The following RABGAP1L variants were observed in gnomAD, a reference collection of about 807,000 sequenced individuals.
The protein encoded by RABGAP1L is rab GTPase-activating protein 1-like.
In RABGAP1L, 63 loss-of-function variants were observed where a neutral mutation model predicts 137.7. That is an observed-to-expected ratio of 0.46 (90% CI 0.37 to 0.56). The LOEUF (loss-of-function observed/expected upper bound fraction) is 0.56. Ranked by LOEUF, RABGAP1L falls within the 20% of genes least tolerant of loss-of-function variation. RABGAP1L has a pLI of 0.00. For synonymous variants in RABGAP1L, 431 were observed against 433.7 expected (o/e 0.99, Z 0.08); for missense variants, 1,095 against 1,244.0 (o/e 0.88, Z 1.80).
chr1:174,455,699 G>T (rs968336738), intron 13 of RABGAP1L, among the ~76,000 whole-genome samples: 43 of 152,020 alleles, frequency 2.8e-4, no homozygotes, highest in African/African-American at 1.0e-3. Context: ...TACTTTTTCA[G>T]GAATTTTATA....
intron 13 of RABGAP1L, among the ~76,000 whole-genome samples, chr1:174,611,771 C>T (rs558300245): frequency 2.0e-5 from 3 of 152,242 alleles, no homozygotes; most frequent in East Asian, 1.9e-4. Context: ...AGGTCCTTCA[C>T]GTCCCTTTTA....
intron 13 of RABGAP1L, among the ~76,000 whole-genome samples, chr1:174,405,121 T>C (rs1315318526): frequency 6.6e-6 from 1 of 152,234 alleles, no homozygotes; most frequent in Non-Finnish European, 1.5e-5. Flanking sequence ...TTGGAAATTC[T>C]CAAGAGGAGA....
Position 174,739,662 on chromosome 1 carries a change from A to G in RABGAP1L, c.2170-12651A>G, listed in dbSNP as rs780192451. Among the ~76,000 whole-genome samples, 18 of 152,348 alleles carry G rather than the reference A, an allele frequency of 1.2e-4. 1 individual carries two copies. Among genetic ancestry groups the G allele is most frequent in the East Asian group, 1.9e-4 (1 of 5,190 alleles). ...AATAAGCAGCCATGGTTGAGAGCCA[A>G]TGGTCTAATGGAAAGAGAACTGAAT... On this transcript the variant is annotated intron_variant, in intron 17 of 25. Transcript: ENST00000681986.
chr1:174,550,996 A>ACG (rs1666468761), intron 13 of RABGAP1L, among the ~76,000 whole-genome samples: 1 of 50,272 alleles, frequency 2.0e-5, no homozygotes, highest in Non-Finnish European at 3.3e-5. Flanking sequence ...ATATATATAT[A>ACG]CACATATATA....
Position 174,741,973 on chromosome 1 carries a change from AGGCTGT to A in RABGAP1L, c.2170-10337_2170-10332del, listed in dbSNP as rs1683453333. Among the ~76,000 whole-genome samples the A allele has an allele frequency of 3.5e-5, 5 of 143,892 alleles. No individual in the cohort carries two copies. In the South Asian group the frequency reaches 1.2e-3, roughly 33 times the overall value. 94.4% of individuals were successfully genotyped at this position (143,892 alleles called of 152,430 possible). A position where few individuals can be genotyped will look rare whatever the true frequency, so the allele number is the denominator to read the frequency against. On this transcript the variant is annotated intron_variant, in intron 17 of 25. Transcript: ENST00000681986. ...AGGATTGCTTGAGCCTGGAAGGTTG[AGGCTGT>A]GGTGAGCCATGATAGCACTACTATG...
intron 10 of RABGAP1L, among the ~76,000 whole-genome samples, chr1:174,297,136 G>T (rs1409938894): frequency 4.6e-5 from 7 of 152,146 alleles, no homozygotes; most frequent in Non-Finnish European, 1.0e-4. Context: ...ACATTTCTTA[G>T]TGTCTTAGGT....
intron 11 of RABGAP1L, among the ~76,000 whole-genome samples, chr1:174,318,462 T>C (rs1366622569): frequency 6.6e-6 from 1 of 152,112 alleles, no homozygotes; most frequent in Non-Finnish European, 1.5e-5. Flanking sequence ...TTTTGTTTTG[T>C]TTTGTTTTGT....
chr1:174,866,110 GGAGAGAGAGA>G (rs34712612), intron 19 of RABGAP1L, among the ~76,000 whole-genome samples: 6,255 of 65,764 alleles, frequency 0.095, 463 homozygotes, highest in African/African-American at 0.19. Context: ...GGAGGGAGGG[GGAGAGAGAGA>G]GAGAGAGAGA....
At chr1:174,694,497 A>G (rs917531280) in intron 15 of RABGAP1L, among the ~76,000 whole-genome samples, 5 of 151,632 alleles carry the variant, frequency 3.3e-5, no homozygotes, top group Middle Eastern at 3.4e-3. Flanking sequence ...ATGATTTCCA[A>G]TTTCATCCAT....
chr1:174,736,807 C>G (rs1682986238), intron 17 of RABGAP1L, among the ~76,000 whole-genome samples: 1 of 152,228 alleles, frequency 6.6e-6, no homozygotes, highest in Admixed American at 6.5e-5. Context: ...GGCTTGCACC[C>G]TCTGGAGCAG....
At chr1:174,718,282 C>T (rs1681186774) in intron 17 of RABGAP1L, among the ~76,000 whole-genome samples, 1 of 152,128 alleles carries the variant, frequency 6.6e-6, no homozygotes, top group African/African-American at 2.4e-5. Flanking sequence ...GGAAAGAAAA[C>T]CACTTAGCAC....
At chr1:174,318,263 A>G (rs1456794608) in intron 11 of RABGAP1L, among the ~76,000 whole-genome samples, 1 of 151,986 alleles carries the variant, frequency 6.6e-6, no homozygotes, top group East Asian at 1.9e-4. Flanking sequence ...TACACTTTTG[A>G]ACTTAAAGTC....
At chr1:174,858,937 A>G (rs532121109) in intron 19 of RABGAP1L, among the ~76,000 whole-genome samples, 31 of 152,342 alleles carry the variant, frequency 2.0e-4, no homozygotes, top group African/African-American at 7.0e-4. Context: ...GTTGAGAAAA[A>G]GGAATATTTT....
At chr1:174,339,167 G>A (rs1681741612) in intron 11 of RABGAP1L, among the ~76,000 whole-genome samples, 1 of 152,088 alleles carries the variant, frequency 6.6e-6, no homozygotes, top group South Asian at 2.1e-4. Context: ...TTATAATGAA[G>A]TTTTAGCGTA....
chr1:174,212,577 T>G (rs2148437298), intron 1 of RABGAP1L, among the ~76,000 whole-genome samples: 1 of 152,044 alleles, frequency 6.6e-6, no homozygotes, highest in East Asian at 1.9e-4. Flanking sequence ...TGTAAGTGCC[T>G]ACATCAAAAA....
chr1:174,237,875 T>A (rs984373124), intron 4 of RABGAP1L, among the ~76,000 whole-genome samples: 39 of 151,266 alleles, frequency 2.6e-4, no homozygotes, highest in African/African-American at 9.3e-4. Flanking sequence ...TTTTCCAACT[T>A]GGTTCCATTC....
intron 9 of RABGAP1L, among the ~76,000 whole-genome samples, chr1:174,277,713 TGAAAAGTCTTG>T (rs1350471943): frequency 6.6e-6 from 1 of 152,080 alleles, no homozygotes; most frequent in Non-Finnish European, 1.5e-5. Context: ...ACCTGAGAGA[TGAAAAGTCTTG>T]GATCTTTCCA....
chr1:174,508,640 A>G (rs1662050461), intron 13 of RABGAP1L, among the ~76,000 whole-genome samples: 1 of 152,270 alleles, frequency 6.6e-6, no homozygotes, highest in Non-Finnish European at 1.5e-5. Flanking sequence ...GTGCTAGAGA[A>G]ATTGTTATAG....
In RABGAP1L at chr1:174,172,176, TTGTGTGTG is replaced by T. The variant is rs34345014; in HGVS notation, c.-34+12553_-34+12560del. Among the ~76,000 whole-genome samples, 373 of 123,594 alleles carry T rather than the reference TTGTGTGTG, an allele frequency of 3.0e-3. 1 individual carries two copies. Among genetic ancestry groups the T allele is most frequent in the African/African-American group, 7.2e-3 (237 of 32,798 alleles). The allele number at this position is 123,594 out of a possible 152,430, so 81.1% of individuals were successfully genotyped here. Reference sequence around the variant, plus strand: ...TTTTTTAAGGCTGAATAATATTCCCTTGTGTGTGTGTGTGTGTGTGTGTGTGTGTGTGT... The same window carrying T: ...TTTTTTAAGGCTGAATAATATTCCCTTGTGTGTGTGTGTGTGTGTGTGTGT... On this transcript the variant is annotated intron_variant, in intron 1 of 25. Coordinates refer to ENST00000681986, the MANE Select transcript of RABGAP1L (RefSeq NM_001366446.1).
Sources: gnomAD v4.1 joint callset for allele counts (sites outside exome capture counted in the v4.1 genomes callset) on GRCh38, gnomAD v4.1.1 for gene constraint, MANE v1.5 for transcripts, NCBI Gene and HGNC (gene_info 2026-07-23, HGNC 2026-07-21) for gene names.